The following ANKS1B variants were observed in gnomAD, a reference collection of about 807,000 sequenced individuals.
The protein encoded by ANKS1B is ankyrin repeat and sterile alpha motif domain containing 1B.
ANKS1B carries 36 observed loss-of-function variants against 148.3 expected under a neutral mutation model. The ratio of observed to expected loss-of-function variants is 0.24; its 90% CI spans 0.19 to 0.32. The LOEUF (loss-of-function observed/expected upper bound fraction) is 0.32, where lower values mean the gene tolerates loss of function less well. ANKS1B is among the 10% of genes least tolerant of loss of function. The pLI, the probability that ANKS1B is intolerant of heterozygous loss-of-function variation, is 1.00. For missense variants in ANKS1B, 1,157 were observed against 1,542.6 expected, an observed-to-expected ratio of 0.75 and a Z score of 4.19; for synonymous variants, 542 against 560.8, an observed-to-expected ratio of 0.97 and a Z score of 0.47.
chr12:99,759,699 A>G (rs2153605577), intron 8 of ANKS1B, among the ~76,000 whole-genome samples: 1 of 152,072 alleles, frequency 6.6e-6, no homozygotes, highest in East Asian at 1.9e-4. Context: ...CCAAATGTAA[A>G]CCTTGAAATA....
chr12:99,465,359 C>A (rs531863477), intron 10 of ANKS1B, among the ~76,000 whole-genome samples: 2 of 151,674 alleles, frequency 1.3e-5, no homozygotes, highest in African/African-American at 2.4e-5. Flanking sequence ...TAAAGACCAT[C>A]GAGGCTAGGA....
At chr12:98,874,577 A>G (rs915117090) in intron 17 of ANKS1B, among the ~76,000 whole-genome samples, 2 of 152,160 alleles carry the variant, frequency 1.3e-5, no homozygotes, top group East Asian at 3.9e-4. Flanking sequence ...GGGTGGATAG[A>G]ACATTGATTT....
intron 1 of ANKS1B, among the ~76,000 whole-genome samples, chr12:99,829,362 A>G (rs1198939900): frequency 6.6e-6 from 1 of 151,830 alleles, no homozygotes; most frequent in African/African-American, 2.4e-5. Context: ...TAAAAATACA[A>G]TAATTAGGCC....
At chr12:99,718,139 A>T (rs188653536) in intron 8 of ANKS1B, among the ~76,000 whole-genome samples, 33 of 151,860 alleles carry the variant, frequency 2.2e-4, no homozygotes, top group African/African-American at 7.0e-4. Flanking sequence ...TGACCTCGTG[A>T]TCCGCCCGCC....
chr12:99,774,859 A>G (rs1468364684), intron 7 of ANKS1B, among the ~76,000 whole-genome samples: 2 of 152,122 alleles, frequency 1.3e-5, no homozygotes, highest in African/African-American at 4.8e-5. Flanking sequence ...AACAACATGG[A>G]TGAACCTAGA....
chr12:99,589,878 T>C (rs2153233674), intron 9 of ANKS1B, among the ~76,000 whole-genome samples: 1 of 152,292 alleles, frequency 6.6e-6, no homozygotes, highest in South Asian at 2.1e-4. Flanking sequence ...ACACCCCAAT[T>C]ACCCTGATTT....
intron 9 of ANKS1B, among the ~76,000 whole-genome samples, chr12:99,582,601 T>C (rs1161505560): frequency 6.6e-6 from 1 of 152,180 alleles, no homozygotes; most frequent in Non-Finnish European, 1.5e-5. Context: ...GCATAGTATC[T>C]GGTTCTATTA....
chr12:99,020,291 C>T (rs1051334547), intron 17 of ANKS1B, among the ~76,000 whole-genome samples: 12 of 152,126 alleles, frequency 7.9e-5, no homozygotes, highest in African/African-American at 2.9e-4. Flanking sequence ...CTTTCTGTCT[C>T]TGTAGATTGA....
intron 9 of ANKS1B, among the ~76,000 whole-genome samples, chr12:99,597,644 CTGA>C (rs762645674): frequency 1.3e-5 from 2 of 151,960 alleles, no homozygotes; most frequent in Non-Finnish European, 2.9e-5. Flanking sequence ...ATAGACTTTT[CTGA>C]TGATGATTTT....
intron 9 of ANKS1B, among the ~76,000 whole-genome samples, chr12:99,602,759 G>T (rs539430729): frequency 1.3e-5 from 2 of 152,046 alleles, no homozygotes; most frequent in Admixed American, 6.6e-5. Context: ...CAGAAGGGTG[G>T]GAGAAAAATT....
intron 8 of ANKS1B, among the ~76,000 whole-genome samples, chr12:99,744,009 CTCTT>C: frequency 6.6e-6 from 1 of 152,250 alleles, no homozygotes; most frequent in Admixed American, 6.5e-5. Context: ...ACAGCTGGCA[CTCTT>C]TATCCATGGG....
At chr12:99,217,504 T>G (rs2084399129) in intron 14 of ANKS1B, among the ~76,000 whole-genome samples, 2 of 152,156 alleles carry the variant, frequency 1.3e-5, no homozygotes, top group African/African-American at 2.4e-5. Flanking sequence ...ATCCTCAGCT[T>G]CCTTAAGTTG....
chr12:99,566,658 A>AAG (rs1306250300), intron 9 of ANKS1B, among the ~76,000 whole-genome samples: 1 of 152,130 alleles, frequency 6.6e-6, no homozygotes, highest in Middle Eastern at 3.2e-3. Flanking sequence ...TAAGAAGAGG[A>AAG]AGAGAGAGAG....
intron 17 of ANKS1B, among the ~76,000 whole-genome samples, chr12:98,871,411 G>A (rs550316619): frequency 1.3e-5 from 2 of 152,206 alleles, no homozygotes; most frequent in African/African-American, 4.8e-5. Flanking sequence ...TATGAAATAA[G>A]CTTGATATAG....
At chr12:98,896,091 T>C (rs115886180) in intron 17 of ANKS1B, among the ~76,000 whole-genome samples, 3,249 of 152,202 alleles carry the variant, frequency 0.021, 100 homozygotes, top group African/African-American at 0.071. Flanking sequence ...AACAAGGTAA[T>C]ACCAACCCAA....
chr12:99,616,272 C>A (rs139720817), intron 9 of ANKS1B, among the ~76,000 whole-genome samples: 6,295 of 152,168 alleles, frequency 0.041, 317 homozygotes, highest in East Asian at 0.24. Flanking sequence ...AATTTCTTCA[C>A]AGAATTAGAA....
chr12:99,058,719 C>CTTTTTT lies in ANKS1B; in HGVS notation c.2626-5416_2626-5411dup, dbSNP rs869064302. Among the ~76,000 whole-genome samples, 6 of 80,684 alleles carry CTTTTTT rather than the reference C, an allele frequency of 7.4e-5. 1 individual carries two copies. Among genetic ancestry groups the CTTTTTT allele is most frequent in the Non-Finnish European group, 1.2e-4 (5 of 42,360 alleles). The allele number at this position is 80,684 out of a possible 152,430, so 52.9% of individuals were successfully genotyped here. A position where few individuals can be genotyped will look rare whatever the true frequency, so the allele number is the denominator to read the frequency against. ...TTCTCCTAATGAAATTCTATCTATC[C>CTTTTTT]TTTTTTTTTTTTTTTTTTTTTTTTT... On this transcript the variant is annotated intron_variant, in intron 16 of 26. Coordinates refer to ENST00000683438, the MANE Select transcript of ANKS1B (RefSeq NM_001352186.2).
intron 17 of ANKS1B, among the ~76,000 whole-genome samples, chr12:98,955,537 A>G (rs1289868044): frequency 6.6e-6 from 1 of 152,188 alleles, no homozygotes; most frequent in Non-Finnish European, 1.5e-5. Context: ...CACTGCAATA[A>G]TACAGACAGG....
chr12:99,172,228 T>G (rs1223729563), intron 14 of ANKS1B, among the ~76,000 whole-genome samples: 1 of 152,076 alleles, frequency 6.6e-6, no homozygotes, highest in Non-Finnish European at 1.5e-5. Context: ...TGCACAGAAA[T>G]GGAGGCAGGA....
Sources: gnomAD v4.1 joint callset for allele counts (sites outside exome capture counted in the v4.1 genomes callset) on GRCh38, gnomAD v4.1.1 for gene constraint, MANE v1.5 for transcripts, NCBI Gene and HGNC (gene_info 2026-07-23, HGNC 2026-07-21) for gene names.